Variants in MATN2 observed in about 807,000 individuals in gnomAD.
The protein encoded by MATN2 is matrilin-2.
Under a neutral mutation model 103.2 loss-of-function variants are expected in MATN2, and 69 were observed. The observed-to-expected ratio is 0.67, with a 90% confidence interval of 0.55 to 0.82. The LOEUF (loss-of-function observed/expected upper bound fraction) is 0.82. Ranked by LOEUF, MATN2 falls within the 40% of genes least tolerant of loss-of-function variation. The pLI is 0.00. For missense variants in MATN2, 1,023 were observed against 1,211.5 expected (o/e 0.84, Z 2.31); for synonymous variants, 429 against 450.2 (o/e 0.95, Z 0.60).
chr8:97,971,550 C>T (rs1273624572), intron 5 of MATN2, among the ~76,000 whole-genome samples: 1 of 152,176 alleles, frequency 6.6e-6, no homozygotes, highest in Non-Finnish European at 1.5e-5. Flanking sequence ...ATTTATAATT[C>T]ATCAGCTGCC....
chr8:97,907,095 G>C (rs1252978203), intron 2 of MATN2, among the ~76,000 whole-genome samples: 1 of 150,716 alleles, frequency 6.6e-6, no homozygotes, highest in African/African-American at 2.5e-5. Flanking sequence ...CCATCTCCTG[G>C]GTTCAAGTGA....
chr8:97,880,179 G>T (rs970377344), intron 1 of MATN2, among the ~76,000 whole-genome samples: 2 of 149,760 alleles, frequency 1.3e-5, no homozygotes, highest in East Asian at 3.9e-4. Flanking sequence ...TGCCTCTCGC[G>T]TTCAAATGAT....
At chr8:97,968,282 C>G (rs967454433) in intron 5 of MATN2, among the ~76,000 whole-genome samples, 1 of 152,210 alleles carries the variant, frequency 6.6e-6, no homozygotes, top group Non-Finnish European at 1.5e-5. Context: ...GCCTTTGAGG[C>G]CTTTTTCCCA....
chr8:97,962,872 C>T (rs912249532), intron 5 of MATN2, among the ~76,000 whole-genome samples: 1 of 152,208 alleles, frequency 6.6e-6, no homozygotes, highest in Non-Finnish European at 1.5e-5. Flanking sequence ...CGATGGCTCA[C>T]GTCTGTAATC....
chr8:97,932,337 C>T (rs1024097607), intron 3 of MATN2, among the ~76,000 whole-genome samples: 1 of 152,054 alleles, frequency 6.6e-6, no homozygotes, highest in African/African-American at 2.4e-5. Flanking sequence ...CATGGTGGTG[C>T]TGGCAGGGGA....
At chr8:97,953,259 T>A (rs1811022118) in intron 4 of MATN2, among the ~76,000 whole-genome samples, 1 of 152,178 alleles carries the variant, frequency 6.6e-6, no homozygotes, top group African/African-American at 2.4e-5. Context: ...AATTGGGATG[T>A]GAGCAAAATT....
intron 13 of MATN2, among the ~76,000 whole-genome samples, chr8:98,023,734 T>C (rs758042270): frequency 6.6e-6 from 1 of 152,138 alleles, no homozygotes; most frequent in Non-Finnish European, 1.5e-5. Context: ...ACACACTAAG[T>C]GCTCAAAAAA....
intron 13 of MATN2, 50 bp downstream of exon 13, chr8:98,021,377 T>C (rs755209279): frequency 1.9e-6 from 3 of 1,592,442 alleles, no homozygotes; most frequent in Non-Finnish European, 1.7e-6. Flanking sequence ...TTGGAGCAAC[T>C]GCTTTTTGGA....
At chr8:97,962,087 C>T (rs1811332083) in intron 5 of MATN2, among the ~76,000 whole-genome samples, 1 of 152,200 alleles carries the variant, frequency 6.6e-6, no homozygotes, top group Admixed American at 6.5e-5. Flanking sequence ...GGTAATGAGG[C>T]TCAAGGGCAG....
chr8:97,931,677 AC>A lies in MATN2; in HGVS notation c.712+156del, dbSNP rs1159785215. ...TAAACACAACGTGCTCCAGGGGCTT[AC>A]ACTTTGGCCAAGAGACACATGTTTT... is the stretch of plus-strand genomic sequence containing the variant. On this transcript the variant is annotated intron_variant, in intron 3 of 18. Transcript: ENST00000254898. This position sits in a 1 kb window ranked among gnomAD's most constrained non-coding sequence, Gnocchi z 4.1. Among the ~76,000 whole-genome samples the A allele has an allele frequency of 5.3e-5, 8 of 152,190 alleles. No individual in the cohort carries two copies. Among genetic ancestry groups the A allele is most frequent in the African/African-American group, 1.9e-4 (8 of 41,438 alleles).
chr8:97,971,014 A>G (rs1019055480), intron 5 of MATN2, among the ~76,000 whole-genome samples: 2 of 152,128 alleles, frequency 1.3e-5, no homozygotes, highest in African/African-American at 2.4e-5. Flanking sequence ...CATATGGGGG[A>G]AAACAGGAAT....
intron 8 of MATN2, chr8:98,004,043 C>CTTTGG: frequency 2.7e-6 from 1 of 374,940 alleles, no homozygotes; most frequent in South Asian, 2.3e-5. Flanking sequence ...AATCCCAGCA[C>CTTTGG]AGGGAGGCCA....
intron 4 of MATN2, 147 bp from the exon 5 acceptor site, chr8:97,961,261 T>C: frequency 1.3e-6 from 1 of 747,962 alleles, no homozygotes; most frequent in Non-Finnish European, 2.0e-6. Flanking sequence ...TTTTCCAAAT[T>C]TTCTACTATG....
intron 4 of MATN2, among the ~76,000 whole-genome samples, chr8:97,960,474 G>A (rs1811273639): frequency 6.6e-6 from 1 of 152,180 alleles, no homozygotes; most frequent in Non-Finnish European, 1.5e-5. Context: ...TCTTAGTTCT[G>A]TTGCAGTAGA....
chr8:97,902,514 T>TA (rs1250060726), intron 2 of MATN2, among the ~76,000 whole-genome samples: 23 of 142,758 alleles, frequency 1.6e-4, no homozygotes, highest in Admixed American at 2.8e-4. Flanking sequence ...AAAAAAAGAA[T>TA]AAAAAAAAAG....
chr8:97,998,335 A>G (rs1354145177), intron 7 of MATN2, among the ~76,000 whole-genome samples: 2 of 150,410 alleles, frequency 1.3e-5, no homozygotes, highest in East Asian at 3.9e-4. Context: ...CCTGGCTAAC[A>G]CGGTGAAACC....
chr8:97,902,633 C>T (rs933788589), intron 2 of MATN2, among the ~76,000 whole-genome samples: 2 of 152,070 alleles, frequency 1.3e-5, no homozygotes, highest in East Asian at 1.9e-4. Context: ...TGTGTGTTGC[C>T]GGGAGAGGAG....
intron 2 of MATN2, among the ~76,000 whole-genome samples, chr8:97,925,732 A>G (rs1025215552): frequency 3.9e-5 from 6 of 152,202 alleles, no homozygotes; most frequent in African/African-American, 7.2e-5. Flanking sequence ...TTGGACAGAA[A>G]GTGGCAGAGG....
intron 4 of MATN2, among the ~76,000 whole-genome samples, chr8:97,942,991 G>T (rs1272008767): frequency 1.3e-5 from 2 of 152,054 alleles, no homozygotes; most frequent in Admixed American, 1.3e-4. Context: ...TCGCAGGGGT[G>T]GGGTGGGCGG....
Sources: gnomAD v4.1 joint callset for allele counts (sites outside exome capture counted in the v4.1 genomes callset) on GRCh38, gnomAD v4.1.1 for gene constraint, Gnocchi (gnomAD v3.1) non-coding constraint, MANE v1.5 for transcripts, NCBI Gene and HGNC (gene_info 2026-07-23, HGNC 2026-07-21) for gene names.